TTC7A: variants seen among roughly 807,000 people sequenced by gnomAD.
TTC7A encodes tetratricopeptide repeat protein 7A.
TTC7A carries 110 observed loss-of-function variants against 103.7 expected under a neutral mutation model. That is an observed-to-expected ratio of 1.06 (90% CI 0.91 to 1.24). The LOEUF is 1.24. TTC7A is among the 50% of genes most tolerant of loss of function. The pLI is 0.00. For missense variants in TTC7A, 1,340 were observed against 1,116.3 expected (o/e 1.20, Z -2.86); for synonymous variants, 521 against 467.9 (o/e 1.11, Z -1.47).
At chr2:47,068,862 CAAAAA>C (rs201835431) in intron 19 of TTC7A, among the ~76,000 whole-genome samples, 5 of 69,802 alleles carry the variant, frequency 7.2e-5, no homozygotes, top group African/African-American at 1.5e-4. Context: ...TCAATTTTTT[CAAAAA>C]AAAAAAAAAA....
At chr2:47,031,849 C>G (rs574941950) in intron 15 of TTC7A, among the ~76,000 whole-genome samples, 8 of 152,342 alleles carry the variant, frequency 5.3e-5, no homozygotes, top group African/African-American at 1.9e-4. Flanking sequence ...TGGCTGCAGC[C>G]CAGGCTGTGT....
At chr2:46,990,266 C>G (rs1675492835) in intron 5 of TTC7A, among the ~76,000 whole-genome samples, 2 of 152,226 alleles carry the variant, frequency 1.3e-5, no homozygotes, top group Non-Finnish European at 2.9e-5. Flanking sequence ...TGGTGCTGGG[C>G]TGTCCCCTTA....
At chr2:46,980,870 A>G (rs778557986) in intron 5 of TTC7A, among the ~76,000 whole-genome samples, 6 of 152,206 alleles carry the variant, frequency 3.9e-5, no homozygotes, top group Non-Finnish European at 7.3e-5. Context: ...AGAGCAGTTT[A>G]CTTGCTAGAT....
chr2:47,069,706 C>T (rs1265808104), intron 19 of TTC7A, among the ~76,000 whole-genome samples: 2 of 152,208 alleles, frequency 1.3e-5, no homozygotes, highest in Non-Finnish European at 2.9e-5. Flanking sequence ...GCTGACACAC[C>T]TGAGAGAATC....
chr2:47,062,961 T>C (rs190939024), intron 19 of TTC7A, among the ~76,000 whole-genome samples: 5 of 152,364 alleles, frequency 3.3e-5, no homozygotes, highest in African/African-American at 1.2e-4. Flanking sequence ...GGGCAGCCCA[T>C]CCCGTCTACA....
At chr2:46,918,624 G>C (rs1327407998) in intron 2 of TTC7A, among the ~76,000 whole-genome samples, 1 of 152,222 alleles carries the variant, frequency 6.6e-6, no homozygotes, top group Non-Finnish European at 1.5e-5. Flanking sequence ...AAGGTAGCCA[G>C]TGTTAAAAGA....
chr2:47,037,966 C>G (rs1432642500), intron 15 of TTC7A, among the ~76,000 whole-genome samples: 3 of 152,106 alleles, frequency 2.0e-5, no homozygotes, highest in Admixed American at 6.6e-5. Context: ...AACTGAAACT[C>G]TAGGCTGGGC....
In TTC7A at chr2:47,041,789, T is replaced by G. The variant is rs532450019; in HGVS notation, c.1803-4526T>G. ...AAAAAGCTTGATATGAGTTTACTAT[T>G]AAACTCTTAAGCCTAGGTGGCAAAA... On this transcript the variant is annotated intron_variant, in intron 15 of 19. Transcript: ENST00000319190. Among the ~76,000 whole-genome samples the G allele has an allele frequency of 3.3e-5, 5 of 151,910 alleles. No homozygotes were observed. The East Asian group carries it at 7.7e-4, about 24-fold the overall frequency.
chr2:46,969,905 G>A (rs545380949), intron 3 of TTC7A, among the ~76,000 whole-genome samples: 12 of 152,318 alleles, frequency 7.9e-5, no homozygotes, highest in Middle Eastern at 3.4e-3. Flanking sequence ...ACATACTTAG[G>A]AGATGCAGCC....
At chr2:47,058,876 C>T (rs184366823) in intron 18 of TTC7A, among the ~76,000 whole-genome samples, 4 of 152,200 alleles carry the variant, frequency 2.6e-5, no homozygotes, top group Admixed American at 6.5e-5. Context: ...CAGGACAGAT[C>T]CTCCCCTGCC....
At chr2:46,928,159 C>G (rs549209197) in intron 2 of TTC7A, among the ~76,000 whole-genome samples, 1 of 151,542 alleles carries the variant, frequency 6.6e-6, no homozygotes, top group East Asian at 1.9e-4. Context: ...CCCAAAGTGC[C>G]GGGATTACAG....
In TTC7A at chr2:46,923,618, G is replaced by A. The variant is rs116398054; in HGVS notation, c.82+6341G>A. On this transcript the variant is annotated intron_variant, in intron 2 of 20. Transcript: ENST00000409245. ...CATTAAAACTCAGAATTGACCAGGTGTGATGGTTCATGCCTGTAATCCTAA... is the reference window on the plus strand; with the variant it reads ...CATTAAAACTCAGAATTGACCAGGTATGATGGTTCATGCCTGTAATCCTAA... Among the ~76,000 whole-genome samples the A allele has an allele frequency of 9.8e-3, 1,497 of 152,316 alleles. 30 individuals are homozygous for A. Among genetic ancestry groups the A allele is most frequent in the African/African-American group, 0.034 (1,403 of 41,570 alleles).
At chr2:47,008,823 C>T (rs145305997) in intron 10 of TTC7A, among the ~76,000 whole-genome samples, 22 of 151,724 alleles carry the variant, frequency 1.5e-4, no homozygotes, top group East Asian at 5.8e-4. Flanking sequence ...GGATGAGTTC[C>T]GTGACATGAT....
intron 9 of TTC7A, 114 bp from the exon 10 acceptor site, chr2:47,006,527 C>A: frequency 2.2e-6 from 2 of 894,150 alleles, no homozygotes; most frequent in Admixed American, 2.0e-5. Flanking sequence ...CAAGTGCGGG[C>A]CTCCTGCAGC....
At chr2:47,058,303 CAG>C (rs1448568380) in intron 18 of TTC7A, among the ~76,000 whole-genome samples, 1 of 152,178 alleles carries the variant, frequency 6.6e-6, no homozygotes, top group African/African-American at 2.4e-5. Flanking sequence ...AGAGAAAAAC[CAG>C]AGTCCTCTCA....
At chr2:46,966,749 C>T (rs1335274276) in intron 3 of TTC7A, among the ~76,000 whole-genome samples, 1 of 150,610 alleles carries the variant, frequency 6.6e-6, no homozygotes, top group Admixed American at 6.6e-5. Flanking sequence ...ACCTTACCCT[C>T]CCAAAGTGCT....
chr2:47,055,105 C>T (rs1447609561), intron 18 of TTC7A, among the ~76,000 whole-genome samples: 1 of 152,052 alleles, frequency 6.6e-6, no homozygotes, highest in Non-Finnish European at 1.5e-5. Flanking sequence ...CTCCCTAAAC[C>T]GCCTCCCCCA....
chr2:47,073,657 G>T, intron 19 of TTC7A, 45 bp from the exon 20 acceptor site: 1 of 1,574,960 alleles, frequency 6.3e-7, no homozygotes, highest in South Asian at 1.1e-5. Context: ...AGATGCCTGT[G>T]CCATGGGACA....
At chr2:46,999,417 G>A (rs1423309535) in intron 8 of TTC7A, 2 of 894,086 alleles carry the variant, frequency 2.2e-6, no homozygotes, top group African/African-American at 1.8e-5. Context: ...TACCAACCCT[G>A]CATCTACCTA....
Sources: allele counts gnomAD v4.1 joint callset (sites outside exome capture counted in the v4.1 genomes callset), GRCh38; gene constraint gnomAD v4.1.1; transcripts MANE v1.5; gene names NCBI Gene and HGNC (gene_info 2026-07-23, HGNC 2026-07-21).